Variants in CCDC187 observed in about 807,000 individuals in gnomAD.
The protein encoded by CCDC187 is coiled-coil domain-containing protein 187.
In CCDC187, 32 loss-of-function variants were observed where a neutral mutation model predicts 38.0. The ratio of observed to expected loss-of-function variants is 0.84; its 90% confidence interval spans 0.64 to 1.13. The LOEUF (loss-of-function observed/expected upper bound fraction) is 1.13, where lower values mean the gene tolerates loss of function less well. Among genes scored for constraint, CCDC187 ranks in the 50% most tolerant of loss-of-function variants. The probability of loss-of-function intolerance (pLI) is 0.00; values close to 1 mark genes in which losing one functional copy is unlikely to be tolerated. For missense variants in CCDC187, 707 were observed against 786.8 expected (o/e 0.90, Z 1.21); for synonymous variants, 333 against 347.9 (o/e 0.96, Z 0.48).
chr9:136,263,095 C>T (rs1283055819), intron 18 of CCDC187, among the ~76,000 whole-genome samples: 4 of 151,954 alleles, frequency 2.6e-5, no homozygotes, highest in African/African-American at 9.7e-5. Flanking sequence ...CACCGCTGCC[C>T]CCACCTGAAG....
intron 7 of CCDC187, among the ~76,000 whole-genome samples, chr9:136,289,311 A>T (rs1190146929): frequency 6.6e-6 from 1 of 152,054 alleles, no homozygotes; most frequent in Non-Finnish European, 1.5e-5. Flanking sequence ...TGAGGTTGGG[A>T]GTTCGAGACT....
rs1007715740 is a variant in CCDC187 at position 136,290,731 on chromosome 9, C to G, written c.1882G>C (p.Gly628Arg). The G allele has an allele frequency of 7.5e-6, 3 of 398,368 alleles. No homozygotes were observed. Among genetic ancestry groups the G allele is most frequent in the Non-Finnish European group, 1.3e-5 (3 of 225,938 alleles). The allele number at this position is 398,368 out of a possible 1,614,324, so 24.7% of individuals were successfully genotyped here. A position where few individuals can be genotyped will look rare whatever the true frequency, so the allele number is the denominator to read the frequency against. Residue 628 changes from glycine to arginine, a missense_variant, in exon 6 of 26, where the codon GGG (glycine) becomes CGG (arginine). Coordinates refer to ENST00000638797, the MANE Select transcript of CCDC187 (RefSeq NM_001378188.1). ...DTLRPCPRSR[G>R]LLGPSHSSES... ...GAGCTGTGCGAGGGTCCCAGGAGCC[C>G]CCGGGACCTGGGGCAGGGCCGCAGC...
intron 18 of CCDC187, among the ~76,000 whole-genome samples, chr9:136,263,151 G>A (rs1189469326): frequency 1.3e-5 from 2 of 149,180 alleles, no homozygotes; most frequent in Admixed American, 1.3e-4. Context: ...CATCCAGGAA[G>A]CCTCCTCAGC....
rs1830688725 is a variant in CCDC187, at chr9:136,262,291, C to A, written c.4064+20G>T. On this transcript the variant is annotated intron_variant, in intron 19 of 25. Transcript: ENST00000638797. ...GGGTCCAGACCCCGACCCCCGACCC[C>A]CTAAGACCAACCAACTCACCGCGTG... The A allele has an allele frequency of 4.1e-6, 4 of 986,262 alleles. No individual in the cohort carries two copies. Among genetic ancestry groups the A allele is most frequent in the Non-Finnish European group, 4.8e-6 (4 of 830,622 alleles). The allele number at this position is 986,262 out of a possible 1,614,324, so 61.1% of individuals were successfully genotyped here.
chr9:136,254,076 C>A lies in CCDC187; in HGVS notation c.5752G>T (p.Ala1918Ser). ...CTCTTGGTGGATGGGCTCGGGTCAG[C>A]ATCCCGGGTTCCCTCCTGGTAGCCA... ...TSGYQEGTRD[A>S]DPSPSTKSKL... The change falls in exon 26 of 26, where the codon GCT becomes TCT. Residue 1918 changes from alanine to serine, a missense_variant. Coordinates refer to ENST00000638797, the MANE Select transcript of CCDC187 (RefSeq NM_001378188.1). 1 of 985,208 alleles carries A rather than the reference C, an allele frequency of 1.0e-6. No individual in the cohort carries two copies. The highest frequency in any genetic ancestry group is 1.2e-6 in the Non-Finnish European group (1 of 829,838). The allele number at this position is 985,208 out of a possible 1,614,324, so 61.0% of individuals were successfully genotyped here. A position where few individuals can be genotyped will look rare whatever the true frequency, so the allele number is the denominator to read the frequency against.
chr9:136,281,433 A>G (rs1831038659), intron 10 of CCDC187, 118 bp downstream of exon 10: 1 of 398,392 alleles, frequency 2.5e-6, no homozygotes, highest in Non-Finnish European at 4.4e-6. Context: ...CCACGTGGAA[A>G]AGGATTTCTC....
chr9:136,256,386 T>G, intron 23 of CCDC187, 63 bp from the exon 24 acceptor site: 2 of 808,892 alleles, frequency 2.5e-6, no homozygotes, highest in Non-Finnish European at 3.0e-6. Context: ...CCACCTCCCG[T>G]AGCTGGATGG....
At chr9:136,284,736 GT>G (rs1406443101) in intron 9 of CCDC187, among the ~76,000 whole-genome samples, 327 of 148,528 alleles carry the variant, frequency 2.2e-3, no homozygotes, top group Non-Finnish European at 3.3e-3. Flanking sequence ...TGTGGAGGGG[GT>G]TTTTTCAGGA....
intron 3 of CCDC187, among the ~76,000 whole-genome samples, chr9:136,298,536 G>T (rs891507077): frequency 6.6e-6 from 1 of 152,230 alleles, no homozygotes; most frequent in Non-Finnish European, 1.5e-5. Context: ...AAGCCGCCAT[G>T]CGAGAACCTG....
chr9:136,289,919 C>T (rs998563440), intron 7 of CCDC187, 40 bp downstream of exon 7: 30 of 369,864 alleles, frequency 8.1e-5, no homozygotes, highest in Non-Finnish European at 1.4e-4. Flanking sequence ...CCCCCCAAGG[C>T]CCCGCCCGGC....
Position 136,253,905 on chromosome 9 carries a change from C to T in CCDC187, c.5923G>A (p.Ala1975Thr). 1 of 985,496 alleles carries T rather than the reference C, an allele frequency of 1.0e-6. No individual in the cohort carries two copies. Among genetic ancestry groups the T allele is most frequent in the Non-Finnish European group, 1.2e-6 (1 of 829,978 alleles). The allele number at this position is 985,496 out of a possible 1,614,324, so 61.0% of individuals were successfully genotyped here. A position where few individuals can be genotyped will look rare whatever the true frequency, so the allele number is the denominator to read the frequency against. ...GNGAPTVLEE[A>T]CPLLAGDVLT... ...ACGTCACCGGCAAGTAGGGGACAGG[C>T]TTCCTCCAGGACAGTGGGGGCCCCA... The change falls in exon 26 of 26, where the codon GCC becomes ACC. Residue 1975 changes from alanine to threonine, a missense_variant. Ala to Thr is a moderately conservative substitution (Grantham distance 58). Transcript: ENST00000638797.
At chr9:136,287,066 T>G (rs1054036173) in intron 7 of CCDC187, among the ~76,000 whole-genome samples, 10 of 152,308 alleles carry the variant, frequency 6.6e-5, no homozygotes, top group Admixed American at 6.5e-4. Context: ...ATCACCCATG[T>G]TCACAGCAGC....
At chr9:136,278,006 G>C (rs1830966354) in intron 10 of CCDC187, among the ~76,000 whole-genome samples, 1 of 152,226 alleles carries the variant, frequency 6.6e-6, no homozygotes, top group Non-Finnish European at 1.5e-5. Flanking sequence ...GACAGGGTGA[G>C]CAGCAGGGGC....
chr9:136,303,002 G>A lies in CCDC187; in HGVS notation c.435C>T (p.Pro145=). ...GCTCCAGCCGCGCGTCACTCTTTCT[G>A]GGCCTCTGCTGGGGCCCCAACACCT... ...PPQVLGPQQR[P]RKSDARLEQL... The change falls in exon 2 of 26, where the codon CCC becomes CCT. Residue 145 remains proline (P), a synonymous_variant. Coordinates refer to ENST00000638797, the MANE Select transcript of CCDC187 (RefSeq NM_001378188.1). 2.5e-6 allele frequency: 1 copy of A among 398,724 alleles called. No homozygotes were observed. The highest frequency in any genetic ancestry group is 4.4e-6 in the Non-Finnish European group (1 of 226,138). The allele number at this position is 398,724 out of a possible 1,614,324, so 24.7% of individuals were successfully genotyped here. A position where few individuals can be genotyped will look rare whatever the true frequency, so the allele number is the denominator to read the frequency against.
chr9:136,287,536 C>T (rs1420118641), intron 7 of CCDC187, among the ~76,000 whole-genome samples: 11 of 152,320 alleles, frequency 7.2e-5, no homozygotes, highest in East Asian at 3.9e-4. Context: ...TTCCCTGATA[C>T]GCAAGACCCC....
rs1212113824 is a variant in CCDC187, at chr9:136,251,466, C to CTGCA, written c.*2124_*2127dup. The CTGCA allele has an allele frequency of 5.9e-6, 1 of 168,690 alleles. No homozygotes were observed. Among genetic ancestry groups the CTGCA allele is most frequent in the Non-Finnish European group, 1.3e-5 (1 of 76,168 alleles). The allele number at this position is 168,690 out of a possible 1,614,324, so 10.4% of individuals were successfully genotyped here. A position where few individuals can be genotyped will look rare whatever the true frequency, so the allele number is the denominator to read the frequency against. On this transcript the variant is annotated 3_prime_UTR_variant, in exon 26 of 26. Transcript: ENST00000638797. ...AGACATCCATGCCCAGTCCACCCAG[C>CTGCA]TGCACGTCATGTGCCGGCAGTTTGG...
At chr9:136,304,593 C>T (rs1043238319), upstream of CCDC187, among the ~76,000 whole-genome samples, 48 of 152,202 alleles carry the variant, frequency 3.2e-4, no homozygotes, top group Non-Finnish European at 5.7e-4. Flanking sequence ...CCAGTGGGTC[C>T]GTGACACGGC....
chr9:136,306,079 G>C (rs1180850967), upstream of CCDC187, among the ~76,000 whole-genome samples: 3 of 152,238 alleles, frequency 2.0e-5, no homozygotes, highest in East Asian at 5.8e-4. Flanking sequence ...GAGGCTCGGG[G>C]CTACTCTGCA....
intron 4 of CCDC187, among the ~76,000 whole-genome samples, chr9:136,295,173 G>T (rs1831504996): frequency 1.3e-5 from 2 of 152,332 alleles, no homozygotes; most frequent in South Asian, 2.1e-4. Context: ...TTTCGGGGGG[G>T]ACCCAGCGTG....
Sources: allele counts gnomAD v4.1 joint callset (sites outside exome capture counted in the v4.1 genomes callset), GRCh38; gene constraint gnomAD v4.1.1; transcripts MANE v1.5; gene names NCBI Gene and HGNC (gene_info 2026-07-23, HGNC 2026-07-21).